The following TNS3 variants were observed in gnomAD, a reference collection of about 807,000 sequenced individuals.
TNS3 encodes the protein tensin 3.
Under a neutral mutation model 140.9 loss-of-function variants are expected in TNS3, and 45 were observed. The ratio of observed to expected loss-of-function variants is 0.32; its 90% CI spans 0.25 to 0.41. The LOEUF (loss-of-function observed/expected upper bound fraction) is 0.41. Among genes scored for constraint, TNS3 ranks in the 10% least tolerant of loss-of-function variants. The pLI is 1.00. For synonymous variants in TNS3, 815 were observed against 788.4 expected (o/e 1.03, Z -0.56); for missense variants, 1,716 against 1,906.7 (o/e 0.90, Z 1.86).
intron 7 of TNS3, among the ~76,000 whole-genome samples, chr7:47,436,623 A>T (rs573275507): frequency 7.2e-5 from 11 of 152,302 alleles, no homozygotes; most frequent in African/African-American, 9.6e-5. Flanking sequence ...AAAATTTTTT[A>T]AAAAATGAAA....
chr7:47,288,197 G>A (rs753815286), intron 27 of TNS3, among the ~76,000 whole-genome samples: 1 of 152,140 alleles, frequency 6.6e-6, no homozygotes, highest in Non-Finnish European at 1.5e-5. Flanking sequence ...AGCTGGACGT[G>A]GGAGCTGAAT....
intron 17 of TNS3, among the ~76,000 whole-genome samples, chr7:47,356,361 T>G (rs539207347): frequency 6.6e-6 from 1 of 152,266 alleles, no homozygotes; most frequent in South Asian, 2.1e-4. Context: ...AGCTCAAGAA[T>G]CACAGCAGGT....
chr7:47,369,798 G>T (rs1790948357), intron 16 of TNS3, among the ~76,000 whole-genome samples, 177 bp from the exon 17 acceptor site: 1 of 152,206 alleles, frequency 6.6e-6, no homozygotes, highest in South Asian at 2.1e-4. Context: ...TCTGGAGGAT[G>T]CCAATGAAAA....
intron 5 of TNS3, among the ~76,000 whole-genome samples, chr7:47,440,524 T>C (rs983861250): frequency 2.6e-5 from 4 of 152,158 alleles, no homozygotes; most frequent in Non-Finnish European, 5.9e-5. Context: ...GGTCATGTCA[T>C]GGCCAGCAGG....
intron 4 of TNS3, among the ~76,000 whole-genome samples, chr7:47,467,175 T>C (rs1554335387): frequency 1.3e-5 from 2 of 152,346 alleles, no homozygotes; most frequent in Non-Finnish European, 2.9e-5. Flanking sequence ...CCAGGTTCTC[T>C]TCAAATTCCA....
chr7:47,283,679 C>T lies in TNS3; in HGVS notation c.4097+18G>A. 6.5e-7 allele frequency: 1 copy of T among 1,527,128 alleles called. No homozygotes were observed. Among genetic ancestry groups the T allele is most frequent in the Non-Finnish European group, 8.8e-7 (1 of 1,136,416 alleles). The allele number at this position is 1,527,128 out of a possible 1,614,324, so 94.6% of individuals were successfully genotyped here. On this transcript the variant is annotated intron_variant, in intron 28 of 30. Transcript: ENST00000311160. ...CCCGCCCCTGCTGGACGGCTCCTGCCTCCCTCTAGGCACTCACTTCCTCTG... is the reference window on the plus strand; with the variant it reads ...CCCGCCCCTGCTGGACGGCTCCTGCTTCCCTCTAGGCACTCACTTCCTCTG...
chr7:47,398,767 C>T (rs924532608), intron 15 of TNS3, among the ~76,000 whole-genome samples: 65 of 152,186 alleles, frequency 4.3e-4, no homozygotes, highest in African/African-American at 1.6e-3. Context: ...TGTAACAAGA[C>T]AAGGATGCCT....
chr7:47,390,516 C>A lies in TNS3; in HGVS notation c.1024+6284G>T, dbSNP rs192858113. On this transcript the variant is annotated intron_variant, in intron 16 of 30. Transcript: ENST00000311160. ...TCCTCTGTCTGCCTGCTCTAGCAGC[C>A]CCATGGGAGCCCCAAAGCGTGGATT... 2.9e-3 allele frequency among the ~76,000 whole-genome samples: 444 copies of A among 152,278 alleles called. 7 individuals carry two copies. The highest frequency in any genetic ancestry group is 0.024 in the Admixed American group (365 of 15,298).
chr7:47,318,761 C>T (rs1197588898), intron 20 of TNS3, among the ~76,000 whole-genome samples: 2 of 152,210 alleles, frequency 1.3e-5, no homozygotes, highest in Non-Finnish European at 2.9e-5. Context: ...TACACCACGT[C>T]CACACAGGAG....
chr7:47,284,779 T>C (rs564045143), intron 27 of TNS3, among the ~76,000 whole-genome samples: 56 of 152,348 alleles, frequency 3.7e-4, no homozygotes, highest in African/African-American at 1.3e-3. Flanking sequence ...GTTAAAGGCC[T>C]CTAAAGTTTC....
intron 24 of TNS3, among the ~76,000 whole-genome samples, chr7:47,295,134 C>T (rs1785933416): frequency 6.6e-6 from 1 of 152,190 alleles, no homozygotes; most frequent in Non-Finnish European, 1.5e-5. Context: ...CCAGAGGCCA[C>T]CAACAACACT....
At chr7:47,542,545 G>C (rs144979196) in intron 1 of TNS3, among the ~76,000 whole-genome samples, 1 of 152,166 alleles carries the variant, frequency 6.6e-6, no homozygotes, top group Non-Finnish European at 1.5e-5. Context: ...CATGCCCGTC[G>C]ACACGAAATC....
At position 47,522,060 on chromosome 7, in the gene TNS3, G is replaced by A. The variant is rs1004738834; in HGVS notation, c.-153+6976C>T. Among the ~76,000 whole-genome samples the A allele has an allele frequency of 3.9e-5, 6 of 152,318 alleles. No individual in the cohort carries two copies. In the South Asian group the frequency reaches 1.0e-3, roughly 26 times the overall value. On this transcript the variant is annotated intron_variant, in intron 2 of 30. Coordinates refer to ENST00000311160, the MANE Select transcript of TNS3 (RefSeq NM_022748.12). ...GGTGGAGCAGCAGGCAGGGCTGGGG[G>A]CCAAAGCCTGGCCAGGGGCTCTCCC...
At chr7:47,378,388 A>C (rs999165993) in intron 16 of TNS3, among the ~76,000 whole-genome samples, 2 of 152,162 alleles carry the variant, frequency 1.3e-5, no homozygotes, top group Non-Finnish European at 2.9e-5. Flanking sequence ...AGATGGGTTT[A>C]AAAAAACGTA....
At chr7:47,566,285 A>G (rs1169489497) in intron 1 of TNS3, among the ~76,000 whole-genome samples, 1 of 152,198 alleles carries the variant, frequency 6.6e-6, no homozygotes, top group Non-Finnish European at 1.5e-5. Context: ...CTGGGCAGGC[A>G]TCTATCATTT....
At chr7:47,357,612 A>AC (rs1019991511) in intron 17 of TNS3, among the ~76,000 whole-genome samples, 16 of 152,324 alleles carry the variant, frequency 1.1e-4, no homozygotes, top group Admixed American at 1.0e-3. Flanking sequence ...GGAAATCATT[A>AC]GCCAGGGTTC....
intron 1 of TNS3, chr7:47,539,165 C>T: frequency 2.2e-5 from 10 of 456,268 alleles, no homozygotes; most frequent in South Asian, 1.5e-4. Flanking sequence ...ACCTGAGTAC[C>T]AGGATTCATA....
chr7:47,419,711 T>C (rs540602680), intron 10 of TNS3, among the ~76,000 whole-genome samples: 1 of 152,280 alleles, frequency 6.6e-6, no homozygotes, highest in African/African-American at 2.4e-5. Context: ...GAACCTAAGA[T>C]TGGCCTTTTG....
At chr7:47,324,440 A>G (rs913730154) in intron 20 of TNS3, among the ~76,000 whole-genome samples, 4 of 152,178 alleles carry the variant, frequency 2.6e-5, no homozygotes, top group African/African-American at 9.7e-5. Flanking sequence ...CTCTCCATTT[A>G]TTTTTATCTT....
Sources: gnomAD v4.1 joint callset for allele counts (sites outside exome capture counted in the v4.1 genomes callset) on GRCh38, gnomAD v4.1.1 for gene constraint, MANE v1.5 for transcripts, NCBI Gene and HGNC (gene_info 2026-07-23, HGNC 2026-07-21) for gene names.